DMPK: variants seen among roughly 807,000 people sequenced by gnomAD.
The protein encoded by DMPK is DM1 protein kinase.
A neutral mutation model predicts 70.3 loss-of-function variants in DMPK; 32 were observed. The ratio of observed to expected loss-of-function variants is 0.46; its 90% CI spans 0.34 to 0.61. The LOEUF (loss-of-function observed/expected upper bound fraction) is 0.61. Among genes scored for constraint, DMPK ranks in the 20% least tolerant of loss-of-function variants. DMPK has a pLI of 0.01. For synonymous variants in DMPK, 469 were observed against 390.9 expected (o/e 1.20, Z -2.36); for missense variants, 899 against 886.0 (o/e 1.01, Z -0.19).
chr19:45,772,325 C>A (rs765918291), intron 10 of DMPK: 7 of 359,716 alleles, frequency 1.9e-5, no homozygotes, highest in Non-Finnish European at 3.0e-5. Context: ...AGGATTCCCA[C>A]CTGCCCAAGG....
chr19:45,770,957 G>A lies in DMPK; in HGVS notation c.1737+14C>T. On this transcript the variant is annotated intron_variant, in intron 14 of 14. Coordinates refer to ENST00000291270, the MANE Select transcript of DMPK (RefSeq NM_004409.5). The stretch of plus-strand genomic sequence containing the variant: ...GGCGCGACGGCGGAGGGGGGCGTGG[G>A]CAGCCGGACGTACCCTGGCAGGGAG... 7.1e-7 allele frequency: 1 copy of A among 1,417,718 alleles called. No individual in the cohort carries two copies. The highest frequency in any genetic ancestry group is 9.2e-7 in the Non-Finnish European group (1 of 1,091,190). 87.8% of individuals were successfully genotyped at this position (1,417,718 alleles called of 1,614,324 possible). A position where few individuals can be genotyped will look rare whatever the true frequency, so the allele number is the denominator to read the frequency against.
Position 45,775,168 on chromosome 19 carries a change from TC to T in DMPK, c.1147-135del. 3 of 656,960 alleles carry T rather than the reference TC, an allele frequency of 4.6e-6. No individual in the cohort carries two copies. In the South Asian group the frequency reaches 5.5e-5, roughly 12 times the overall value. 40.7% of individuals were successfully genotyped at this position (656,960 alleles called of 1,614,324 possible). On this transcript the variant is annotated intron_variant, in intron 8 of 14. Transcript: ENST00000291270. ...CTAAAGTGGCCCCTCCAGCATTTTT[TC>T]TTTTTTCTTTTTCTTTGATACGGAG...
intron 3 of DMPK, 24 bp from the exon 4 acceptor site, chr19:45,779,383 C>G (rs376387926): frequency 2.5e-6 from 4 of 1,614,018 alleles, no homozygotes; most frequent in Non-Finnish European, 3.4e-6. Context: ...GGAGGAGCTG[C>G]AGCCGGAGAC....
rs748788537 is a variant in DMPK at position 45,772,728 on chromosome 19, T to C, written c.1257A>G (p.Thr419=). 9.3e-6 allele frequency: 14 copies of C among 1,508,600 alleles called. No individual in the cohort carries two copies. The African/African-American group carries it at 1.8e-4, about 19-fold the overall frequency. 93.5% of individuals were successfully genotyped at this position (1,508,600 alleles called of 1,614,324 possible). ...GCTGCTCGGCCTCCAGTTCCATGGG[T>C]GTGGGGCCTGGGACCTCACTGTCCC... The part of the protein sequence containing the change: ...ALRDSEVPGP[T]PMELEAEQLL... The change falls in exon 10 of 15, where the codon ACA becomes ACG. Residue 419 remains threonine (T), a synonymous_variant. Coordinates refer to ENST00000291270, the MANE Select transcript of DMPK (RefSeq NM_004409.5).
chr19:45,779,025 G>A (rs1214082202), intron 4 of DMPK: 4 of 592,474 alleles, frequency 6.8e-6, no homozygotes, highest in Admixed American at 3.0e-5. Context: ...CCCCGCAACA[G>A]AGACATCTTT....
In DMPK at chr19:45,770,586, G is replaced by C; in HGVS notation, c.1792C>G (p.Leu598Val). Residue 598 changes from leucine to valine, a missense_variant, in exon 15 of 15, where the codon CTG becomes GTG. Physicochemically the swap from Leu to Val is conservative, Grantham distance 32. Around this residue, in one of 3 missense-constraint regions of DMPK, gnomAD observed 555 missense variants for 483.8 expected, o/e 1.15. Coordinates refer to ENST00000291270, the MANE Select transcript of DMPK (RefSeq NM_004409.5). ...CAGCCCAGGGCGGCGGCACGAGACA[G>C]AACAACGGCGAACAGGAGCAGGGAA... ...ALSLLLFAVV[L>V]SRAAALGCIG... 1 of 1,552,440 alleles carries C rather than the reference G, an allele frequency of 6.4e-7. No homozygotes were observed. Among genetic ancestry groups the C allele is most frequent in the Non-Finnish European group, 8.7e-7 (1 of 1,147,942 alleles).
intron 13 of DMPK, 88 bp from the exon 14 acceptor site, chr19:45,771,148 G>T: frequency 8.0e-7 from 1 of 1,245,936 alleles, no homozygotes; most frequent in South Asian, 1.4e-5. Flanking sequence ...ATCGAGGTTG[G>T]GGAGGTTATC....
intron 1 of DMPK, 196 bp from the exon 2 acceptor site, chr19:45,780,065 T>C: frequency 6.6e-7 from 1 of 1,516,884 alleles, no homozygotes; most frequent in South Asian, 1.3e-5. Flanking sequence ...CCCATAGAGG[T>C]GAGATGCCTG....
intron 2 of DMPK, 37 bp from the exon 3 acceptor site, chr19:45,779,559 G>A (rs1411927259): frequency 1.9e-6 from 3 of 1,612,322 alleles, no homozygotes; most frequent in Non-Finnish European, 2.5e-6. Flanking sequence ...GGAGACGGCG[G>A]GAAAACAAAA....
chr19:45,772,442 A>AAC, intron 10 of DMPK, 199 bp downstream of exon 10: 2 of 467,004 alleles, frequency 4.3e-6, no homozygotes, highest in Non-Finnish European at 7.5e-6. Context: ...GATCCCCAGC[A>AAC]ACACACACAC....
intron 1 of DMPK, among the ~76,000 whole-genome samples, chr19:45,781,743 C>T (rs896877332): frequency 6.6e-6 from 1 of 152,168 alleles, no homozygotes; most frequent in Admixed American, 6.5e-5. Context: ...ACCTGCCTGT[C>T]GGCTGCGCCC....
rs377368309 is a variant in DMPK, at chr19:45,770,620, C to T, written c.1758G>A (p.Ser586=). ...LPARVPRPGL[S]EALSLLLFAV... is the part of the protein sequence containing the mutation. ...CGAACAGGAGCAGGGAAAGCGCCTC[C>T]GATAGGCCAGGCCTAGGGACCTGCG... The change falls in exon 15 of 15, where the codon TCG becomes TCA. Residue 586 remains serine, a synonymous_variant. Coordinates refer to ENST00000291270, the MANE Select transcript of DMPK (RefSeq NM_004409.5). 1.7e-5 allele frequency: 26 copies of T among 1,552,634 alleles called. No homozygotes were observed. The highest frequency in any genetic ancestry group is 2.4e-5 in the South Asian group (2 of 84,132).
At position 45,777,897 on chromosome 19, in the gene DMPK, G is replaced by C; in HGVS notation, c.676-24C>G. On this transcript the variant is annotated intron_variant, in intron 6 of 14. Coordinates refer to ENST00000291270, the MANE Select transcript of DMPK (RefSeq NM_004409.5). This position sits in a 1 kb window ranked among gnomAD's most constrained non-coding sequence, Gnocchi z 6.7. ...ACCTGGACCAAAAGGAGCAGAGCGAGGCTTGGGCCCACCCCTCTGGGCCCA... is the reference window on the plus strand; with the variant it reads ...ACCTGGACCAAAAGGAGCAGAGCGACGCTTGGGCCCACCCCTCTGGGCCCA... 1 of 1,589,514 alleles carries C rather than the reference G, an allele frequency of 6.3e-7. No homozygotes were observed.
intron 8 of DMPK, among the ~76,000 whole-genome samples, chr19:45,776,333 T>C (rs78164767): frequency 1.9e-4 from 9 of 46,934 alleles, no homozygotes; most frequent in Admixed American, 6.9e-4. Context: ...TTAGGAGAGA[T>C]GGGGTTTCAC....
intron 5 of DMPK, 121 bp downstream of exon 5, chr19:45,778,372 A>AC (rs1969899447): frequency 4.3e-6 from 6 of 1,402,388 alleles, no homozygotes; most frequent in Non-Finnish European, 5.8e-6. Flanking sequence ...ACTCCCAGGC[A>AC]CCCCCCGGTG....
chr19:45,779,153 A>G, intron 4 of DMPK, 111 bp downstream of exon 4: 1 of 1,095,274 alleles, frequency 9.1e-7, no homozygotes, highest in Non-Finnish European at 1.4e-6. Flanking sequence ...ACTTTCCCAC[A>G]GACGTTTCCG....
chr19:45,774,538 A>G (rs1969669170), intron 9 of DMPK, among the ~76,000 whole-genome samples: 1 of 152,202 alleles, frequency 6.6e-6, no homozygotes, highest in Non-Finnish European at 1.5e-5. Context: ...CTAGGATTAC[A>G]GGCGTGAGCC....
At position 45,777,514 on chromosome 19, in the gene DMPK, G is replaced by A. The variant is rs139724884; in HGVS notation, c.959C>T (p.Pro320Leu). The change falls in exon 8 of 15, where the codon CCC becomes CTC. Residue 320 changes from proline to leucine, a missense_variant. This residue lies in a region of DMPK where 555 missense variants were observed against 483.8 expected (regional missense o/e 1.15). Coordinates refer to ENST00000291270, the MANE Select transcript of DMPK (RefSeq NM_004409.5). The surrounding 1 kb of genome is among the most constrained non-coding windows in gnomAD (Gnocchi z 6.7). ...ACCCCGGCCCAGCCGTGTCTCCGGG[G>A]GACACAGCAACCGCTGAATGAAGTC... ...ARDFIQRLLC[P>L]PETRLGRGGA... 6.2e-7 allele frequency: 1 copy of A among 1,613,576 alleles called. No individual in the cohort carries two copies.
rs781435746 is a variant in DMPK, at chr19:45,782,208, C to A, written c.145G>T (p.Asp49Tyr). 2 of 1,503,936 alleles carry A rather than the reference C, an allele frequency of 1.3e-6. No homozygotes were observed. 93.2% of individuals were successfully genotyped at this position (1,503,936 alleles called of 1,614,324 possible). A position where few individuals can be genotyped will look rare whatever the true frequency, so the allele number is the denominator to read the frequency against. ...SELAQDKYVA[D>Y]FLQWAEPIVV... ...AGGCACTCACCCCACTGCAAGAAGT[C>A]GGCCACGTACTTGTCCTGGGCCAGT... The change falls in exon 1 of 15, where the codon GAC (aspartate) becomes TAC (tyrosine). Residue 49 changes from aspartate to tyrosine, a missense_variant. Physicochemically the swap from Asp to Tyr is radical, Grantham distance 160. Transcript: ENST00000291270.
Sources: allele counts gnomAD v4.1 joint callset (sites outside exome capture counted in the v4.1 genomes callset), GRCh38; gene constraint gnomAD v4.1.1; regional missense constraint gnomAD v4.1.1; non-coding constraint Gnocchi (gnomAD v3.1); transcripts MANE v1.5; gene names NCBI Gene and HGNC (gene_info 2026-07-23, HGNC 2026-07-21).